The following PDE3A variants were observed in gnomAD, a reference collection of about 807,000 sequenced individuals.
PDE3A encodes phosphodiesterase 3A.
In PDE3A, 43 loss-of-function variants were observed where a neutral mutation model predicts 98.3. That is an observed-to-expected ratio of 0.44 (90% CI 0.34 to 0.56). The LOEUF (loss-of-function observed/expected upper bound fraction) is 0.56. Among genes scored for constraint, PDE3A ranks in the 20% least tolerant of loss-of-function variants. The pLI, the probability that PDE3A is intolerant of heterozygous loss-of-function variation, is 0.01. For missense variants in PDE3A, 1,427 were observed against 1,440.7 expected (o/e 0.99, Z 0.15); for synonymous variants, 663 against 567.9 (o/e 1.17, Z -2.38).
At chr12:20,534,662 G>A (rs1016235378) in intron 1 of PDE3A, among the ~76,000 whole-genome samples, 4 of 152,100 alleles carry the variant, frequency 2.6e-5, no homozygotes, top group African/African-American at 9.7e-5. Flanking sequence ...GCGCTGTTAA[G>A]GGGGCTCAGG....
chr12:20,597,037 C>T (rs1250394112), intron 2 of PDE3A, among the ~76,000 whole-genome samples: 1 of 152,182 alleles, frequency 6.6e-6, no homozygotes, highest in African/African-American at 2.4e-5. Context: ...AGCTTAAGAT[C>T]TTTGTAACCT....
chr12:20,398,967 C>T (rs1944070830), intron 1 of PDE3A, among the ~76,000 whole-genome samples: 1 of 152,106 alleles, frequency 6.6e-6, no homozygotes, highest in African/African-American at 2.4e-5. Context: ...ATTTAAACAA[C>T]AACTTCCCAT....
intron 5 of PDE3A, among the ~76,000 whole-genome samples, chr12:20,622,231 G>C (rs577053349): frequency 1.3e-5 from 2 of 152,056 alleles, no homozygotes; most frequent in South Asian, 4.2e-4. Flanking sequence ...TATGTCACCA[G>C]CCTCATGACA....
chr12:20,666,736 A>T (rs556972950), intron 15 of PDE3A, among the ~76,000 whole-genome samples: 2 of 152,328 alleles, frequency 1.3e-5, no homozygotes, highest in South Asian at 2.1e-4. Flanking sequence ...GCTGCAATAA[A>T]TATGGGGGTG....
chr12:20,623,355 A>G (rs925847143), intron 5 of PDE3A, among the ~76,000 whole-genome samples: 2 of 152,192 alleles, frequency 1.3e-5, no homozygotes, highest in African/African-American at 4.8e-5. Flanking sequence ...TAGTGAAACT[A>G]CACAACACCA....
At position 20,551,775 on chromosome 12, in the gene PDE3A, G is replaced by A. The variant is rs1942208811; in HGVS notation, c.961-4885G>A. On this transcript the variant is annotated intron_variant, in intron 1 of 15. Coordinates refer to ENST00000359062, the MANE Select transcript of PDE3A (RefSeq NM_000921.5). ...GAGAGCGGCTGAGAGAGAGCAAGAA[G>A]AAGGCGAAGATGGCCTCGGCCACAT... The A allele has an allele frequency of 2.5e-6, 4 of 1,613,864 alleles. No individual in the cohort carries two copies. In the African/African-American group the frequency reaches 4.0e-5, roughly 16 times the overall value.
At chr12:20,426,182 T>G (rs1470971837) in intron 1 of PDE3A, among the ~76,000 whole-genome samples, 2 of 152,292 alleles carry the variant, frequency 1.3e-5, no homozygotes, top group East Asian at 3.9e-4. Context: ...TAGTGGATTA[T>G]CTCACATATT....
Position 20,465,754 on chromosome 12 carries a change from A to G in PDE3A, c.961-90906A>G, listed in dbSNP as rs182673544. Among the ~76,000 whole-genome samples the G allele has an allele frequency of 2.9e-3, 437 of 152,330 alleles. 4 individuals are homozygous for G. The highest frequency in any genetic ancestry group is 1.0e-2 in the African/African-American group (415 of 41,562). ...TTAAAATGGTAGCATGTCCTAAATA[A>G]AATAGGAAATATAAAAGTTGAAAGT... On this transcript the variant is annotated intron_variant, in intron 1 of 15. Transcript: ENST00000359062.
At chr12:20,533,164 C>T (rs1017976010) in intron 1 of PDE3A, among the ~76,000 whole-genome samples, 14 of 152,076 alleles carry the variant, frequency 9.2e-5, no homozygotes, top group Non-Finnish European at 1.5e-4. Flanking sequence ...GTGCCAGGCA[C>T]AGCTAGGCCT....
intron 2 of PDE3A, among the ~76,000 whole-genome samples, chr12:20,589,389 A>G (rs1350348453): frequency 6.6e-6 from 1 of 152,190 alleles, no homozygotes; most frequent in Non-Finnish European, 1.5e-5. Flanking sequence ...AAGTAAATTG[A>G]CATATTAAGG....
In PDE3A at chr12:20,508,692, C is replaced by T. The variant is rs1477712778; in HGVS notation, c.961-47968C>T. On this transcript the variant is annotated intron_variant, in intron 1 of 15. Transcript: ENST00000359062. The stretch of plus-strand genomic sequence containing the variant: ...CGGTTAGAATATGGTGGTAGCTTTG[C>T]AATTGTACTACCTGGGATCGATTCC... Among the ~76,000 whole-genome samples, 4 of 151,910 alleles carry T rather than the reference C, an allele frequency of 2.6e-5. 1 individual carries two copies. In the East Asian group the frequency reaches 7.8e-4, roughly 29 times the overall value.
intron 12 of PDE3A, 60 bp downstream of exon 12, chr12:20,647,010 T>A: frequency 8.2e-7 from 1 of 1,217,394 alleles, no homozygotes; most frequent in Non-Finnish European, 1.2e-6. Context: ...AAAGTGAAGT[T>A]CAGTGTGATT....
intron 15 of PDE3A, among the ~76,000 whole-genome samples, chr12:20,676,398 G>A (rs1375515006): frequency 6.6e-6 from 1 of 151,818 alleles, no homozygotes; most frequent in Non-Finnish European, 1.5e-5. Context: ...CTCCTGGACT[G>A]AATGATTTCT....
rs1457709636 is a variant in PDE3A, at chr12:20,564,048, A to G, written c.1011+7338A>G. ...AATCATAGTAGGGATATTGCTGACA[A>G]TGTCCACAGCACACACAGTGTCAAG... is the stretch of plus-strand genomic sequence containing the variant. On this transcript the variant is annotated intron_variant, in intron 2 of 15. Coordinates refer to ENST00000359062, the MANE Select transcript of PDE3A (RefSeq NM_000921.5). Among the ~76,000 whole-genome samples, 7 of 152,154 alleles carry G rather than the reference A, an allele frequency of 4.6e-5. No individual in the cohort carries two copies. In the East Asian group the frequency reaches 1.3e-3, roughly 29 times the overall value.
intron 1 of PDE3A, among the ~76,000 whole-genome samples, chr12:20,420,017 C>T (rs543368276): frequency 1.3e-5 from 2 of 151,936 alleles, no homozygotes; most frequent in East Asian, 1.9e-4. Context: ...CAAACCGTAT[C>T]GAATATCATT....
intron 1 of PDE3A, among the ~76,000 whole-genome samples, chr12:20,535,339 G>T (rs1941721233): frequency 6.6e-6 from 1 of 152,082 alleles, no homozygotes; most frequent in Non-Finnish European, 1.5e-5. Flanking sequence ...AGAATTCATT[G>T]TTTCCGTATT....
At chr12:20,666,177 C>T (rs1022629041) in intron 15 of PDE3A, among the ~76,000 whole-genome samples, 1 of 151,914 alleles carries the variant, frequency 6.6e-6, no homozygotes, top group Non-Finnish European at 1.5e-5. Context: ...GTTGGCCAGG[C>T]TGGTCTTAAA....
intron 1 of PDE3A, among the ~76,000 whole-genome samples, chr12:20,451,744 A>G (rs1251755852): frequency 1.3e-5 from 2 of 152,212 alleles, no homozygotes; most frequent in Non-Finnish European, 1.5e-5. Context: ...CCCAGCATCT[A>G]GAAGAATCTT....
chr12:20,384,033 A>G (rs1591865988), intron 1 of PDE3A, among the ~76,000 whole-genome samples: 1 of 152,084 alleles, frequency 6.6e-6, no homozygotes, highest in Admixed American at 6.6e-5. Context: ...ATATATTGAA[A>G]TCAGTACTGC....
Sources: allele counts gnomAD v4.1 joint callset (sites outside exome capture counted in the v4.1 genomes callset), GRCh38; gene constraint gnomAD v4.1.1; transcripts MANE v1.5; gene names NCBI Gene and HGNC (gene_info 2026-07-23, HGNC 2026-07-21).